DOCK5: variants seen among roughly 807,000 people sequenced by gnomAD.
DOCK5 encodes the protein dedicator of cytokinesis protein 5.
In DOCK5, 142 loss-of-function variants were observed where a neutral mutation model predicts 251.8. That is an observed-to-expected ratio of 0.56 (90% CI 0.49 to 0.65). The LOEUF is 0.65. DOCK5 is among the 30% of genes least tolerant of loss of function. DOCK5 has a pLI of 0.00. For missense variants in DOCK5, 2,111 were observed against 2,312.3 expected (o/e 0.91, Z 1.79); for synonymous variants, 842 against 835.5 (o/e 1.01, Z -0.13).
At chr8:25,276,380 C>T (rs533136571) in intron 4 of DOCK5, among the ~76,000 whole-genome samples, 3 of 152,290 alleles carry the variant, frequency 2.0e-5, no homozygotes, top group African/African-American at 7.2e-5. Context: ...ATCTTGCCCA[C>T]CTCATTTGTC....
chr8:25,369,025 G>A (rs545006590), intron 33 of DOCK5, among the ~76,000 whole-genome samples: 1 of 152,228 alleles, frequency 6.6e-6, no homozygotes, highest in South Asian at 2.1e-4. Flanking sequence ...AGAGAATAAT[G>A]TAGTGAATTG....
At chr8:25,227,275 G>A (rs1802555324) in intron 1 of DOCK5, among the ~76,000 whole-genome samples, 1 of 152,036 alleles carries the variant, frequency 6.6e-6, no homozygotes, top group Non-Finnish European at 1.5e-5. Context: ...GGCTTGCTGT[G>A]ATCTTTCAAA....
intron 5 of DOCK5, among the ~76,000 whole-genome samples, chr8:25,279,300 C>T (rs1278173739): frequency 6.6e-6 from 1 of 152,162 alleles, no homozygotes. Context: ...AGCACATCCT[C>T]TCCGTAATAA....
intron 28 of DOCK5, among the ~76,000 whole-genome samples, chr8:25,362,461 T>TC (rs1800702891): frequency 1.6e-5 from 1 of 61,946 alleles, no homozygotes; most frequent in South Asian, 5.9e-4. Context: ...TCTTTTCTTT[T>TC]CTTTTTTTTT....
chr8:25,281,894 A>G (rs1488926922), intron 5 of DOCK5, among the ~76,000 whole-genome samples: 2 of 151,172 alleles, frequency 1.3e-5, no homozygotes, highest in Admixed American at 1.3e-4. Flanking sequence ...AAAAAGAAAA[A>G]AAAAAAAAAA....
intron 11 of DOCK5, among the ~76,000 whole-genome samples, chr8:25,306,496 G>A (rs1410804637): frequency 6.6e-6 from 1 of 152,024 alleles, no homozygotes; most frequent in Non-Finnish European, 1.5e-5. Flanking sequence ...CACAAGGTCA[G>A]GAGATCGAGA....
chr8:25,411,280 C>T lies in DOCK5; in HGVS notation c.5595C>T (p.Ser1865=), dbSNP rs149312266. The T allele has an allele frequency of 2.5e-5, 39 of 1,562,842 alleles. No homozygotes were observed. Among genetic ancestry groups the T allele is most frequent in the East Asian group, 1.8e-4 (7 of 38,914 alleles). ...PKARKSGIPT[S]EPGSQ ...CTCGGAAGTCTGGCATCCCTACTTC[C>T]GAGCCTGGATCCCAGTAAGGATCTT... is the stretch of plus-strand genomic sequence containing the variant. The change falls in exon 52 of 52, where the codon TCC becomes TCT. Residue 1865 remains serine (S), a synonymous_variant. Transcript: ENST00000276440.
chr8:25,352,000 G>C (rs1193262006), intron 27 of DOCK5, among the ~76,000 whole-genome samples, 174 bp downstream of exon 27: 2 of 151,974 alleles, frequency 1.3e-5, no homozygotes, highest in Non-Finnish European at 2.9e-5. Context: ...TTTCTGTTGA[G>C]AGAAAATAAT....
chr8:25,243,872 G>A, intron 2 of DOCK5, 115 bp downstream of exon 2: 1 of 1,028,242 alleles, frequency 9.7e-7, no homozygotes, highest in Non-Finnish European at 1.4e-6. Context: ...AACAGTGCTA[G>A]TAAAAATTCA....
chr8:25,363,681 A>G (rs544257239), intron 29 of DOCK5, among the ~76,000 whole-genome samples: 9 of 152,384 alleles, frequency 5.9e-5, no homozygotes, highest in African/African-American at 2.2e-4. Flanking sequence ...TTTGATACAC[A>G]GTGCCAAACT....
In DOCK5 at chr8:25,386,729, A is replaced by G. The variant is rs118167153; in HGVS notation, c.4132-2362A>G. Among the ~76,000 whole-genome samples the G allele has an allele frequency of 6.8e-3, 1,034 of 152,348 alleles. 6 individuals are homozygous for G. The highest frequency in any genetic ancestry group is 9.3e-3 in the Non-Finnish European group (632 of 68,028). On this transcript the variant is annotated intron_variant, in intron 40 of 51. Transcript: ENST00000276440. ...GCCGTTACATATGCCTGCATGTCCC[A>G]TGAAATCAGAAATGTGACCACAGAG...
At position 25,378,429 on chromosome 8, in the gene DOCK5, G is replaced by A. The variant is rs534204672; in HGVS notation, c.3936+1005G>A. On this transcript the variant is annotated intron_variant, in intron 38 of 51. Transcript: ENST00000276440. ...ATTCTTGAATTCTGAGATTTCAGAG[G>A]GGGACAGATTTTGCAAACAATGATT... Among the ~76,000 whole-genome samples, 7 of 152,268 alleles carry A rather than the reference G, an allele frequency of 4.6e-5. No individual in the cohort carries two copies. In the South Asian group the frequency reaches 1.5e-3, roughly 32 times the overall value.
intron 2 of DOCK5, among the ~76,000 whole-genome samples, chr8:25,252,954 C>A (rs1803311136): frequency 6.6e-6 from 1 of 152,264 alleles, no homozygotes; most frequent in African/African-American, 2.4e-5. Context: ...GCCTCAGCCT[C>A]CCGAGTAGCT....
chr8:25,378,531 G>C (rs1190264736), intron 38 of DOCK5, among the ~76,000 whole-genome samples: 1 of 152,164 alleles, frequency 6.6e-6, no homozygotes, highest in East Asian at 1.9e-4. Context: ...CAGAAACAAT[G>C]GAACATAGCA....
chr8:25,376,273 G>A, intron 37 of DOCK5: 2 of 985,254 alleles, frequency 2.0e-6, no homozygotes, highest in Non-Finnish European at 2.4e-6. Flanking sequence ...TGTAAGATAT[G>A]AGGTATGAAT....
chr8:25,292,142 A>C lies in DOCK5; in HGVS notation c.440A>C (p.Lys147Thr). Residue 147 changes from lysine to threonine, a missense_variant, in exon 6 of 52, where the codon AAA (lysine) becomes ACA (threonine). Transcript: ENST00000276440. Reference sequence around the variant, plus strand: ...GATGAACTGGCAGAGCTCAAGAAGAAAGTCACAGCCAAAATTGATCATGGG... The same window carrying C: ...GATGAACTGGCAGAGCTCAAGAAGACAGTCACAGCCAAAATTGATCATGGG... ...PKDELAELKK[K>T]VTAKIDHGNR... The C allele has an allele frequency of 5.7e-6, 9 of 1,583,402 alleles. No individual in the cohort carries two copies. Among genetic ancestry groups the C allele is most frequent in the Non-Finnish European group, 7.7e-6 (9 of 1,165,842 alleles).
chr8:25,396,676 C>T (rs1346059769), intron 45 of DOCK5, among the ~76,000 whole-genome samples: 1 of 151,938 alleles, frequency 6.6e-6, no homozygotes, highest in Non-Finnish European at 1.5e-5. Context: ...CAAGGACGCC[C>T]CTGTGGAGCC....
intron 2 of DOCK5, among the ~76,000 whole-genome samples, chr8:25,266,769 C>G (rs1803763913): frequency 6.6e-6 from 1 of 151,782 alleles, no homozygotes; most frequent in African/African-American, 2.4e-5. Context: ...TTTACAAATT[C>G]AGCATGATAA....
intron 2 of DOCK5, among the ~76,000 whole-genome samples, chr8:25,244,655 C>T (rs893606100): frequency 3.3e-5 from 5 of 152,170 alleles, no homozygotes; most frequent in African/African-American, 1.2e-4. Context: ...GGACCCCGTG[C>T]AGGTTCCTAG....
Sources: allele counts gnomAD v4.1 joint callset (sites outside exome capture counted in the v4.1 genomes callset), GRCh38; gene constraint gnomAD v4.1.1; transcripts MANE v1.5; gene names NCBI Gene and HGNC (gene_info 2026-07-23, HGNC 2026-07-21).